The following CRTAC1 variants were observed in gnomAD, a reference collection of about 807,000 sequenced individuals.
CRTAC1 encodes acidic secreted protein in cartilage.
In CRTAC1, 37 loss-of-function variants were observed where a neutral mutation model predicts 67.8. That is an observed-to-expected ratio of 0.55 (90% confidence interval 0.42 to 0.72). The LOEUF is 0.72. Ranked by LOEUF, CRTAC1 falls within the 30% of genes least tolerant of loss-of-function variation. The pLI, the probability that CRTAC1 is intolerant of heterozygous loss-of-function variation, is 0.00. For missense variants in CRTAC1, 780 were observed against 931.6 expected, an observed-to-expected ratio of 0.84 and a Z score of 2.12; for synonymous variants, 348 against 371.0, an observed-to-expected ratio of 0.94 and a Z score of 0.71.
chr10:97,938,192 G>A (rs1397496990), intron 2 of CRTAC1, among the ~76,000 whole-genome samples: 1 of 152,154 alleles, frequency 6.6e-6, no homozygotes, highest in Admixed American at 6.5e-5. Flanking sequence ...GCATGTCCAG[G>A]GCGTGGCATG....
At chr10:97,971,259 C>T (rs1317602420) in intron 2 of CRTAC1, among the ~76,000 whole-genome samples, 1 of 152,216 alleles carries the variant, frequency 6.6e-6, no homozygotes, top group East Asian at 1.9e-4. Flanking sequence ...AAAGCTTATG[C>T]ACCCCAATGG....
At chr10:98,017,972 G>A (rs943457475) in intron 1 of CRTAC1, among the ~76,000 whole-genome samples, 5 of 151,584 alleles carry the variant, frequency 3.3e-5, no homozygotes, top group Admixed American at 2.0e-4. Context: ...CGAGGCAGGC[G>A]GATTGCTTGA....
intron 4 of CRTAC1, 27 bp downstream of exon 4, chr10:97,923,237 C>T: frequency 1.2e-6 from 2 of 1,613,594 alleles, no homozygotes; most frequent in African/African-American, 1.3e-5. Flanking sequence ...GGCTTCTCCC[C>T]AGGACCCCAT....
intron 13 of CRTAC1, among the ~76,000 whole-genome samples, chr10:97,881,738 T>C (rs1284647459): frequency 6.6e-6 from 1 of 151,988 alleles, no homozygotes; most frequent in Admixed American, 6.6e-5. Flanking sequence ...AGGGGAGTCA[T>C]TTCCTCCTCC....
intron 2 of CRTAC1, among the ~76,000 whole-genome samples, chr10:97,937,850 G>T (rs146598887): frequency 1.6e-4 from 24 of 152,218 alleles, no homozygotes; most frequent in African/African-American, 5.8e-4. Context: ...ACCTCTTCCT[G>T]TGTTTCAGCC....
intron 3 of CRTAC1, among the ~76,000 whole-genome samples, chr10:97,935,661 T>A (rs1050046491): frequency 3.9e-5 from 6 of 152,190 alleles, no homozygotes; most frequent in African/African-American, 1.4e-4. Flanking sequence ...ATAGTGTAGG[T>A]GCTTAGCAAG....
intron 4 of CRTAC1, among the ~76,000 whole-genome samples, chr10:97,922,891 T>A (rs935793854): frequency 1.3e-5 from 2 of 152,182 alleles, no homozygotes; most frequent in African/African-American, 2.4e-5. Flanking sequence ...TAATAAATGT[T>A]AGTTGAGTGA....
At chr10:97,987,564 C>T (rs1247500930) in intron 2 of CRTAC1, among the ~76,000 whole-genome samples, 1 of 152,222 alleles carries the variant, frequency 6.6e-6, no homozygotes, top group African/African-American at 2.4e-5. Flanking sequence ...AGAAGGCATG[C>T]CAACAGCAGG....
intron 1 of CRTAC1, among the ~76,000 whole-genome samples, chr10:98,017,555 A>G (rs1266901094): frequency 6.6e-6 from 1 of 151,972 alleles, no homozygotes; most frequent in African/African-American, 2.4e-5. Flanking sequence ...GTTTTTTGAG[A>G]TAGGGTCTCA....
At chr10:97,914,255 G>A (rs1374364372) in intron 5 of CRTAC1, among the ~76,000 whole-genome samples, 3 of 152,142 alleles carry the variant, frequency 2.0e-5, no homozygotes, top group Non-Finnish European at 2.9e-5. Flanking sequence ...CCCAGGCAGG[G>A]GCTGGGCCTG....
chr10:97,980,186 T>C (rs1019330872), intron 2 of CRTAC1, among the ~76,000 whole-genome samples: 6 of 152,260 alleles, frequency 3.9e-5, no homozygotes, highest in African/African-American at 1.4e-4. Flanking sequence ...AGAAGATTCA[T>C]GTAAAGTGCT....
At chr10:97,989,013 A>C (rs1352551905) in intron 2 of CRTAC1, among the ~76,000 whole-genome samples, 1 of 152,182 alleles carries the variant, frequency 6.6e-6, no homozygotes, top group Non-Finnish European at 1.5e-5. Flanking sequence ...TGAGTAGAAA[A>C]ACACGCAGAG....
At chr10:97,881,771 C>G (rs964127465) in intron 13 of CRTAC1, among the ~76,000 whole-genome samples, 1 of 151,502 alleles carries the variant, frequency 6.6e-6, no homozygotes, top group South Asian at 2.1e-4. Flanking sequence ...CACCACTGCT[C>G]CTCCACCTCC....
intron 3 of CRTAC1, among the ~76,000 whole-genome samples, chr10:97,935,006 C>T (rs931973677): frequency 6.6e-6 from 1 of 152,138 alleles, no homozygotes; most frequent in Admixed American, 6.5e-5. Context: ...CCACCTTGAT[C>T]TACTGCCACA....
At chr10:97,973,939 C>T (rs144351621) in intron 2 of CRTAC1, among the ~76,000 whole-genome samples, 77 of 141,074 alleles carry the variant, frequency 5.5e-4, no homozygotes, top group South Asian at 1.6e-3. Flanking sequence ...GGGAGACAGC[C>T]ATCGCATTCT....
At position 97,901,500 on chromosome 10, in the gene CRTAC1, T is replaced by G; in HGVS notation, c.1133+3A>C. The stretch of plus-strand genomic sequence containing the variant: ...GAGCCACGAGCCAGGATGGAGCATC[T>G]ACCGGAAGAGGCGGTTGGCTGAGGA... On this transcript the variant is annotated splice_donor_region_variant and intron_variant, in intron 8 of 14. Coordinates refer to ENST00000370597, the MANE Select transcript of CRTAC1 (RefSeq NM_018058.7). 6.2e-7 allele frequency: 1 copy of G among 1,614,134 alleles called. No homozygotes were observed. Among genetic ancestry groups the G allele is most frequent in the Non-Finnish European group, 8.5e-7 (1 of 1,179,984 alleles).
intron 6 of CRTAC1, 101 bp downstream of exon 6, chr10:97,907,901 TGCTCTCCCTCA>T: frequency 8.4e-7 from 1 of 1,189,602 alleles, no homozygotes. Flanking sequence ...TGACTTGCCC[TGCTCTCCCTCA>T]GCCAGAAGAG....
chr10:97,896,032 A>C (rs997455451), intron 9 of CRTAC1, 47 bp from the exon 10 acceptor site: 1 of 1,534,622 alleles, frequency 6.5e-7, no homozygotes, highest in Non-Finnish European at 9.0e-7. Flanking sequence ...CAGGAGACCC[A>C]CAAAGGAGAC....
intron 13 of CRTAC1, among the ~76,000 whole-genome samples, chr10:97,881,317 T>C (rs2050211081): frequency 6.6e-6 from 1 of 152,134 alleles, no homozygotes; most frequent in African/African-American, 2.4e-5. Context: ...CTCCTGCCCT[T>C]CCCTCAACTC....
Sources: allele counts gnomAD v4.1 joint callset (sites outside exome capture counted in the v4.1 genomes callset), GRCh38; gene constraint gnomAD v4.1.1; transcripts MANE v1.5; gene names NCBI Gene and HGNC (gene_info 2026-07-23, HGNC 2026-07-21).